Variants in ADAMTSL1 observed in about 807,000 individuals in gnomAD.
The protein encoded by ADAMTSL1 is ADAMTS like 1.
In ADAMTSL1, 126 loss-of-function variants were observed where a neutral mutation model predicts 201.8. The observed-to-expected ratio is 0.62, with a 90% CI of 0.54 to 0.72. The LOEUF is 0.72. ADAMTSL1 is among the 30% of genes least tolerant of loss of function. The pLI is 0.00. For missense variants in ADAMTSL1, 2,679 were observed against 2,277.8 expected (o/e 1.18, Z -3.59); for synonymous variants, 1,121 against 903.4 (o/e 1.24, Z -4.32).
intron 1 of ADAMTSL1, among the ~76,000 whole-genome samples, chr9:18,094,688 G>C (rs1824166796): frequency 6.6e-6 from 1 of 151,480 alleles, no homozygotes; most frequent in South Asian, 2.1e-4. Context: ...AGCCTCCCGA[G>C]TAGGTGGGAC....
rs1008819027 is a variant in ADAMTSL1, at chr9:18,817,501, T to C, written c.3934+264T>C. Among the ~76,000 whole-genome samples the C allele has an allele frequency of 1.2e-4, 18 of 152,214 alleles. 1 individual carries two copies. Among genetic ancestry groups the C allele is most frequent in the Admixed American group, 1.2e-3 (18 of 15,274 alleles). On this transcript the variant is annotated intron_variant, in intron 21 of 28. Coordinates refer to ENST00000380548, the MANE Select transcript of ADAMTSL1 (RefSeq NM_001040272.6). ...ATCTTAGCCTTCCATACAGATAGAA[T>C]GTGAACCTGCAAAGATGGGGGCAAG...
At chr9:18,679,060 A>C (rs1830293479) in intron 10 of ADAMTSL1, among the ~76,000 whole-genome samples, 1 of 152,180 alleles carries the variant, frequency 6.6e-6, no homozygotes, top group African/African-American at 2.4e-5. Context: ...GTTGTTGCCT[A>C]AACTTGAACA....
chr9:18,222,541 T>C (rs1830297703), intron 2 of ADAMTSL1, among the ~76,000 whole-genome samples: 1 of 151,900 alleles, frequency 6.6e-6, no homozygotes, highest in Non-Finnish European at 1.5e-5. Flanking sequence ...CTTACTGTTT[T>C]TGTTTAGGAT....
At chr9:18,654,483 C>A (rs1189292446) in intron 7 of ADAMTSL1, among the ~76,000 whole-genome samples, 1 of 152,176 alleles carries the variant, frequency 6.6e-6, no homozygotes. Context: ...TGGATACCTA[C>A]TATGTGCCAG....
At chr9:17,992,343 C>A (rs993249865) in intron 1 of ADAMTSL1, among the ~76,000 whole-genome samples, 2 of 152,146 alleles carry the variant, frequency 1.3e-5, no homozygotes, top group Admixed American at 1.3e-4. Flanking sequence ...CCTCCTAGTA[C>A]TTTGTTGCTT....
At chr9:18,166,823 C>T (rs576030786) in intron 2 of ADAMTSL1, among the ~76,000 whole-genome samples, 21 of 152,072 alleles carry the variant, frequency 1.4e-4, no homozygotes, top group East Asian at 5.8e-4. Context: ...ATTTGTGGCA[C>T]GCTTTAACCT....
chr9:18,332,676 A>G (rs1318895320), intron 2 of ADAMTSL1, among the ~76,000 whole-genome samples: 1 of 152,144 alleles, frequency 6.6e-6, no homozygotes, highest in Non-Finnish European at 1.5e-5. Context: ...CATCAATAGA[A>G]TTTGTTGATA....
At chr9:18,559,386 A>G (rs1399284332) in intron 3 of ADAMTSL1, among the ~76,000 whole-genome samples, 1 of 152,184 alleles carries the variant, frequency 6.6e-6, no homozygotes, top group Non-Finnish European at 1.5e-5. Context: ...TGGTACCAGT[A>G]CCATGCTGTT....
chr9:18,217,741 G>T (rs1252312335), intron 2 of ADAMTSL1, among the ~76,000 whole-genome samples: 1 of 152,160 alleles, frequency 6.6e-6, no homozygotes, highest in Non-Finnish European at 1.5e-5. Context: ...TATGATCTTA[G>T]CCGAGACTGA....
chr9:17,979,183 G>A (rs538318274), intron 1 of ADAMTSL1, among the ~76,000 whole-genome samples: 1 of 151,996 alleles, frequency 6.6e-6, no homozygotes, highest in East Asian at 1.9e-4. Flanking sequence ...AGACTTTCAG[G>A]ATTCATAAAC....
chr9:18,232,137 C>G (rs1257280367), intron 2 of ADAMTSL1, among the ~76,000 whole-genome samples: 1 of 152,156 alleles, frequency 6.6e-6, no homozygotes, highest in Non-Finnish European at 1.5e-5. Context: ...CCTATTTACG[C>G]ACTGACCTTG....
chr9:18,847,253 T>G (rs1588225514), intron 23 of ADAMTSL1, among the ~76,000 whole-genome samples: 1 of 151,214 alleles, frequency 6.6e-6, no homozygotes, highest in African/African-American at 2.4e-5. Context: ...GTAATTGGGG[T>G]GGGGGTAGGG....
rs144283362 is a variant in ADAMTSL1, at chr9:18,340,535, A to G, written c.208-164294A>G. Among the ~76,000 whole-genome samples, 406 of 152,224 alleles carry G rather than the reference A, an allele frequency of 2.7e-3. 3 individuals carry two copies. The highest frequency in any genetic ancestry group is 8.0e-3 in the African/African-American group (332 of 41,564). On this transcript the variant is annotated intron_variant, in intron 2 of 29. Coordinates refer to the ADAMTSL1 transcript ENST00000680146. ...GTGACTCAAGTAATCACCAAGCTCT[A>G]TTAAGTCTATGATATGTTTTGTCTC...
At chr9:18,001,436 C>T (rs769490536) in intron 1 of ADAMTSL1, among the ~76,000 whole-genome samples, 3 of 151,948 alleles carry the variant, frequency 2.0e-5, no homozygotes, top group Non-Finnish European at 4.4e-5. Flanking sequence ...AAGGAGCTCA[C>T]AGTCAGTGGG....
chr9:18,262,522 C>T (rs930594857), intron 2 of ADAMTSL1, among the ~76,000 whole-genome samples: 5 of 152,128 alleles, frequency 3.3e-5, no homozygotes, highest in Admixed American at 2.6e-4. Context: ...TACCACTGAG[C>T]TTCTTCTATT....
chr9:18,369,481 A>C (rs9407900), intron 2 of ADAMTSL1, among the ~76,000 whole-genome samples: 65,467 of 151,992 alleles, frequency 0.43, 14,522 homozygotes, highest in Middle Eastern at 0.5. Context: ...AAAAACAACA[A>C]GTGTTGGTTA....
At chr9:18,643,675 A>C (rs1156490486) in intron 7 of ADAMTSL1, among the ~76,000 whole-genome samples, 1 of 152,010 alleles carries the variant, frequency 6.6e-6, no homozygotes, top group African/African-American at 2.4e-5. Flanking sequence ...ACTTTGTCAG[A>C]AAATCAATTG....
In ADAMTSL1 at chr9:18,243,649, C is replaced by T. The variant is rs141728987; in HGVS notation, c.207+79668C>T. On this transcript the variant is annotated intron_variant, in intron 2 of 29. Transcript: ENST00000680146. ...CTTGCCCCAAAACTGTTTCCTTAAG[C>T]CTTCCTGCTCTTTCTCTAAGCATAA... Among the ~76,000 whole-genome samples, 266 of 152,160 alleles carry T rather than the reference C, an allele frequency of 1.7e-3. 2 individuals carry two copies. The highest frequency in any genetic ancestry group is 6.3e-3 in the African/African-American group (260 of 41,536).
At chr9:17,985,590 T>G (rs1477405411) in intron 1 of ADAMTSL1, among the ~76,000 whole-genome samples, 1 of 152,108 alleles carries the variant, frequency 6.6e-6, no homozygotes, top group Non-Finnish European at 1.5e-5. Flanking sequence ...TAGAAACATT[T>G]TGCCGTATTG....
Sources: allele counts gnomAD v4.1 joint callset (sites outside exome capture counted in the v4.1 genomes callset), GRCh38; gene constraint gnomAD v4.1.1; transcripts MANE v1.5; gene names NCBI Gene and HGNC (gene_info 2026-07-23, HGNC 2026-07-21).